ATP6V0E1: variants seen among roughly 807,000 people sequenced by gnomAD.
ATP6V0E1 encodes V-type proton ATPase subunit e 1.
A neutral mutation model predicts 11.6 loss-of-function variants in ATP6V0E1; 4 were observed. That is an observed-to-expected ratio of 0.35 (90% CI 0.17 to 0.79). The LOEUF is 0.79. Ranked by LOEUF, ATP6V0E1 falls within the 30% of genes least tolerant of loss-of-function variation. The pLI, the probability that ATP6V0E1 is intolerant of heterozygous loss-of-function variation, is 0.54. For missense variants in ATP6V0E1, 105 were observed against 100.0 expected (o/e 1.05, Z -0.21); for synonymous variants, 36 against 34.8 (o/e 1.04, Z -0.13).
chr5:172,994,066 C>T (rs980438500), intron 1 of ATP6V0E1, among the ~76,000 whole-genome samples: 1 of 152,108 alleles, frequency 6.6e-6, no homozygotes, highest in South Asian at 2.1e-4. Flanking sequence ...AGCAGTTAAG[C>T]CAGGAGAACT....
chr5:173,011,175 CTTTTTTTTTTTTTT>C (rs754605378), intron 2 of ATP6V0E1, among the ~76,000 whole-genome samples: 1 of 114,702 alleles, frequency 8.7e-6, no homozygotes, highest in African/African-American at 3.1e-5. Context: ...CCTGATTTAT[CTTTTTTTTTTTTTT>C]TTTTTTTTTT....
chr5:173,021,179 G>T (rs1756478344), intron 3 of ATP6V0E1, among the ~76,000 whole-genome samples: 1 of 152,020 alleles, frequency 6.6e-6, no homozygotes, highest in Non-Finnish European at 1.5e-5. Context: ...AGAGAGAGAA[G>T]GAGGTGCCAG....
intron 2 of ATP6V0E1, among the ~76,000 whole-genome samples, chr5:173,018,543 G>A (rs1463845446): frequency 6.6e-6 from 1 of 152,166 alleles, no homozygotes; most frequent in Non-Finnish European, 1.5e-5. Flanking sequence ...GGAACTAAAG[G>A]CAGTGTGTAT....
At chr5:173,016,014 A>G (rs1756393121) in intron 2 of ATP6V0E1, among the ~76,000 whole-genome samples, 2 of 152,184 alleles carry the variant, frequency 1.3e-5, no homozygotes, top group Non-Finnish European at 2.9e-5. Context: ...GTGAGCCACC[A>G]TGCCCAGATT....
intron 3 of ATP6V0E1, among the ~76,000 whole-genome samples, chr5:173,026,565 A>G (rs1024346178): frequency 2.0e-5 from 3 of 152,234 alleles, no homozygotes; most frequent in Admixed American, 6.5e-5. Flanking sequence ...TACAGAACAG[A>G]TATCAGCTAC....
chr5:173,007,737 A>G (rs911105257), intron 2 of ATP6V0E1, among the ~76,000 whole-genome samples: 17 of 152,320 alleles, frequency 1.1e-4, no homozygotes, highest in African/African-American at 3.8e-4. Flanking sequence ...TTCAGACCTC[A>G]CTAGACAAAG....
chr5:173,001,792 C>G (rs1481931692), intron 2 of ATP6V0E1, among the ~76,000 whole-genome samples: 6 of 150,984 alleles, frequency 4.0e-5, no homozygotes, highest in African/African-American at 1.5e-4. Flanking sequence ...GATCTCAGCT[C>G]ACTGCAACCT....
intron 2 of ATP6V0E1, among the ~76,000 whole-genome samples, chr5:173,009,500 C>T (rs1756284242): frequency 8.1e-6 from 1 of 124,112 alleles, no homozygotes; most frequent in Non-Finnish European, 1.6e-5. Flanking sequence ...CTCGTTCTAT[C>T]ATCCAGGTGG....
intron 2 of ATP6V0E1, among the ~76,000 whole-genome samples, chr5:172,997,314 A>G (rs1292999844): frequency 6.6e-6 from 1 of 152,238 alleles, no homozygotes; most frequent in Non-Finnish European, 1.5e-5. Flanking sequence ...AAACACGTAG[A>G]AAACAAGAAA....
Position 172,983,876 on chromosome 5 carries a change from C to G in ATP6V0E1, c.16C>G (p.Leu6Val). 5.0e-6 allele frequency: 8 copies of G among 1,613,774 alleles called. No individual in the cohort carries two copies. The highest frequency in any genetic ancestry group is 6.8e-6 in the Non-Finnish European group (8 of 1,179,816). Residue 6 changes from leucine (L) to valine (V), a missense_variant, in exon 1 of 4, where the codon CTC becomes GTC. Physicochemically the swap from Leu to Val is conservative, Grantham distance 32. Transcript: ENST00000519374. MAYHGLTVPLIVMSVF... is the reference protein window; with the variant it reads MAYHGVTVPLIVMSVF... ...GGCGGCGACCATGGCGTATCACGGC[C>G]TCACTGTGCCTCTCATTGTGATGAG... is the stretch of plus-strand genomic sequence containing the variant.
intron 2 of ATP6V0E1, among the ~76,000 whole-genome samples, chr5:173,002,455 C>G (rs894217159): frequency 6.6e-6 from 1 of 152,084 alleles, no homozygotes; most frequent in Non-Finnish European, 1.5e-5. Flanking sequence ...ATGTTGCAGT[C>G]TGGTCTTTGT....
intron 2 of ATP6V0E1, among the ~76,000 whole-genome samples, chr5:173,010,557 C>T (rs753314470): frequency 6.6e-6 from 1 of 152,166 alleles, no homozygotes; most frequent in African/African-American, 2.4e-5. Flanking sequence ...TGTCTAATAC[C>T]GAATCCCATG....
At chr5:173,023,025 T>C (rs1421491056) in intron 3 of ATP6V0E1, among the ~76,000 whole-genome samples, 1 of 151,512 alleles carries the variant, frequency 6.6e-6, no homozygotes, top group African/African-American at 2.4e-5. Flanking sequence ...ACGTGTGACT[T>C]TTGTTTTGTT....
At chr5:172,996,479 T>C (rs1297912867) in intron 2 of ATP6V0E1, among the ~76,000 whole-genome samples, 1 of 151,958 alleles carries the variant, frequency 6.6e-6, no homozygotes, top group Non-Finnish European at 1.5e-5. Flanking sequence ...GGAGAATCAC[T>C]TGAACCCTGG....
chr5:173,030,456 T>G (rs1172746380), intron 3 of ATP6V0E1, among the ~76,000 whole-genome samples: 1 of 150,982 alleles, frequency 6.6e-6, no homozygotes, highest in East Asian at 1.9e-4. Context: ...TTTTTTTTTT[T>G]TTGAAACAGA....
At chr5:173,022,182 T>A (rs1434555643) in intron 3 of ATP6V0E1, among the ~76,000 whole-genome samples, 1 of 152,244 alleles carries the variant, frequency 6.6e-6, no homozygotes. Context: ...ATTATTTTGT[T>A]AAATGGAAGT....
intron 1 of ATP6V0E1, among the ~76,000 whole-genome samples, chr5:172,991,275 A>C (rs894942952): frequency 1.3e-5 from 2 of 152,228 alleles, no homozygotes; most frequent in African/African-American, 4.8e-5. Context: ...ATTTGAAAGT[A>C]AATTGCAGTT....
rs754605378 is a variant in ATP6V0E1 at position 173,011,175 on chromosome 5, C to CTTT, written c.153-9041_153-9039dup. ...TGAATCCCTAGGCTGCCTGATTTAT[C>CTTT]TTTTTTTTTTTTTTTTTTTTTTTTG... On this transcript the variant is annotated intron_variant, in intron 2 of 3. Coordinates refer to ENST00000519374, the MANE Select transcript of ATP6V0E1 (RefSeq NM_003945.4). Among the ~76,000 whole-genome samples, 403 of 114,652 alleles carry CTTT rather than the reference C, an allele frequency of 3.5e-3. 12 individuals carry two copies. The highest frequency in any genetic ancestry group is 0.012 in the African/African-American group (369 of 31,890). The allele number at this position is 114,652 out of a possible 152,430, so 75.2% of individuals were successfully genotyped here. A position where few individuals can be genotyped will look rare whatever the true frequency, so the allele number is the denominator to read the frequency against.
intron 2 of ATP6V0E1, among the ~76,000 whole-genome samples, chr5:173,019,498 A>C (rs1482654842): frequency 6.6e-6 from 1 of 152,022 alleles, no homozygotes; most frequent in African/African-American, 2.4e-5. Context: ...AGCTTGCAGC[A>C]AGCCGAGATT....
Sources: gnomAD v4.1 joint callset for allele counts (sites outside exome capture counted in the v4.1 genomes callset) on GRCh38, gnomAD v4.1.1 for gene constraint, MANE v1.5 for transcripts, NCBI Gene and HGNC (gene_info 2026-07-23, HGNC 2026-07-21) for gene names.